Variants in SIPA1L3 observed in about 807,000 individuals in gnomAD.
SIPA1L3 encodes the protein signal induced proliferation associated 1 like 3.
SIPA1L3 carries 59 observed loss-of-function variants against 150.1 expected under a neutral mutation model. The ratio of observed to expected loss-of-function variants is 0.39; its 90% confidence interval spans 0.32 to 0.49. The LOEUF (loss-of-function observed/expected upper bound fraction) is 0.49, where lower values mean the gene tolerates loss of function less well. Ranked by LOEUF, SIPA1L3 falls within the 20% of genes least tolerant of loss-of-function variation. The probability of loss-of-function intolerance (pLI) is 0.86; values close to 1 mark genes in which losing one functional copy is unlikely to be tolerated. For synonymous variants in SIPA1L3, 1,070 were observed against 1,077.6 expected (o/e 0.99, Z 0.14); for missense variants, 2,211 against 2,489.5 (o/e 0.89, Z 2.38).
chr19:37,940,265 G>A (rs1436388700), intron 1 of SIPA1L3, among the ~76,000 whole-genome samples: 1 of 147,002 alleles, frequency 6.8e-6, no homozygotes, highest in Admixed American at 6.9e-5. Context: ...TGGGTGACAG[G>A]CTAAAAAAAA....
intron 12 of SIPA1L3, 85 bp downstream of exon 12, chr19:38,142,795 A>C: frequency 1.4e-6 from 2 of 1,462,924 alleles, no homozygotes; most frequent in Non-Finnish European, 1.9e-6. Context: ...CACCCCCACA[A>C]TTCTAGTTGC....
chr19:38,101,272 C>A (rs763270840), intron 6 of SIPA1L3, 46 bp downstream of exon 6: 36 of 1,358,194 alleles, frequency 2.7e-5, no homozygotes, highest in Non-Finnish European at 2.9e-5. Context: ...CACTGCACTC[C>A]TACTCAACAG....
chr19:37,917,475 G>T (rs2046423130), intron 1 of SIPA1L3, among the ~76,000 whole-genome samples: 2 of 152,200 alleles, frequency 1.3e-5, no homozygotes, highest in African/African-American at 4.8e-5. Flanking sequence ...GGTGGGTGTT[G>T]CCTGTGTTCG....
At chr19:37,973,971 G>A (rs981422503) in intron 1 of SIPA1L3, among the ~76,000 whole-genome samples, 2 of 152,206 alleles carry the variant, frequency 1.3e-5, no homozygotes, top group South Asian at 4.1e-4. Flanking sequence ...ATCAGCAACA[G>A]AGAGTGGGCA....
intron 1 of SIPA1L3, among the ~76,000 whole-genome samples, chr19:37,988,791 C>G (rs1195059131): frequency 2.6e-5 from 4 of 152,318 alleles, no homozygotes; most frequent in African/African-American, 9.6e-5. Context: ...GCCTTGTCCT[C>G]TGCTTCCTGC....
chr19:38,001,494 A>G (rs1967807567), intron 1 of SIPA1L3, among the ~76,000 whole-genome samples: 2 of 152,192 alleles, frequency 1.3e-5, no homozygotes, highest in African/African-American at 4.8e-5. Context: ...GGGAACAATC[A>G]TAGCTCACTT....
intron 8 of SIPA1L3, among the ~76,000 whole-genome samples, chr19:38,117,719 TTCTC>T (rs1321113647): frequency 6.6e-6 from 1 of 152,176 alleles, no homozygotes. Context: ...CAAGTTCCTT[TTCTC>T]TCTCCATAGT....
rs78287199 is a variant in SIPA1L3, at chr19:37,963,561, C to T, written c.-379+56203C>T. 7.1e-3 allele frequency among the ~76,000 whole-genome samples: 1,086 copies of T among 152,330 alleles called. 36 individuals are homozygous for T. Among genetic ancestry groups the T allele is most frequent in the East Asian group, 0.066 (341 of 5,188 alleles). The stretch of plus-strand genomic sequence containing the variant: ...CTTGGTCAAACTGATGGAGCTGGTG[C>T]GTGTGATGGGAGGAACCCCAAATTA... On this transcript the variant is annotated intron_variant, in intron 1 of 21. Coordinates refer to ENST00000222345, the MANE Select transcript of SIPA1L3 (RefSeq NM_015073.3).
At chr19:38,188,719 G>A (rs1373971641) in intron 16 of SIPA1L3, among the ~76,000 whole-genome samples, 3 of 151,700 alleles carry the variant, frequency 2.0e-5, no homozygotes, top group Non-Finnish European at 2.9e-5. Flanking sequence ...TCAGGAGATC[G>A]AGACCATCCT....
chr19:38,206,126 A>G lies in SIPA1L3; in HGVS notation c.5232A>G (p.Ser1744=). ...AGCAGGACAAGGTGGTGCTCCAGTC[A>G]GAGGTGGCCAGCCTGCGGCAGAACA... ...KEKQDKVVLQ[S]EVASLRQNNQ... The change falls in exon 22 of 22, where the codon TCA becomes TCG. Residue 1744 remains serine, a synonymous_variant. Transcript: ENST00000222345. 6.4e-7 allele frequency: 1 copy of G among 1,550,648 alleles called. No homozygotes were observed. Among genetic ancestry groups the G allele is most frequent in the Non-Finnish European group, 8.7e-7 (1 of 1,146,582 alleles).
intron 2 of SIPA1L3, among the ~76,000 whole-genome samples, chr19:38,073,458 A>ACT (rs1969767362): frequency 1.3e-5 from 2 of 152,142 alleles, no homozygotes; most frequent in South Asian, 4.2e-4. Flanking sequence ...ATCCCAACTG[A>ACT]CTGTCTCCCA....
Position 38,081,940 on chromosome 19 carries a change from C to T in SIPA1L3, c.375C>T (p.Pro125=). The T allele has an allele frequency of 6.2e-7, 1 of 1,614,168 alleles. No individual in the cohort carries two copies. The highest frequency in any genetic ancestry group is 8.5e-7 in the Non-Finnish European group (1 of 1,179,990). ...HSMRSIQNGQ[P]PTSTPASSGS... is the part of the protein sequence containing the mutation. ...TGAGGAGCATACAGAACGGACAGCCCCCCACCAGCACCCCGGCTTCCTCAG... is the reference window on the plus strand; with the variant it reads ...TGAGGAGCATACAGAACGGACAGCCTCCCACCAGCACCCCGGCTTCCTCAG... The change falls in exon 3 of 22, where the codon CCC becomes CCT. Residue 125 remains proline (P), a synonymous_variant. Transcript: ENST00000222345.
intron 10 of SIPA1L3, among the ~76,000 whole-genome samples, chr19:38,136,183 C>CAAAATAA (rs1439432815): frequency 2.3e-5 from 1 of 44,118 alleles, no homozygotes; most frequent in African/African-American, 8.3e-5. Context: ...GAGACTGTCT[C>CAAAATAA]AAAAAAAAAA....
chr19:38,156,970 G>A (rs1453060768), intron 13 of SIPA1L3, among the ~76,000 whole-genome samples: 2 of 151,938 alleles, frequency 1.3e-5, no homozygotes, highest in Admixed American at 6.6e-5. Context: ...CGAAACCAGC[G>A]TGGGCAACCT....
At chr19:38,115,043 T>G (rs1970852969) in intron 8 of SIPA1L3, among the ~76,000 whole-genome samples, 2 of 152,202 alleles carry the variant, frequency 1.3e-5, no homozygotes, top group African/African-American at 4.8e-5. Flanking sequence ...TTGATGCCAC[T>G]GACAGAGGTG....
intron 4 of SIPA1L3, among the ~76,000 whole-genome samples, chr19:38,089,059 G>A (rs1229739216): frequency 2.6e-5 from 4 of 152,058 alleles, no homozygotes; most frequent in Admixed American, 6.6e-5. Flanking sequence ...GGTGGCTCAC[G>A]CCTGTAATCC....
intron 1 of SIPA1L3, among the ~76,000 whole-genome samples, chr19:37,979,976 A>C (rs143208069): frequency 0.038 from 5,775 of 152,286 alleles, 148 homozygotes; most frequent in Non-Finnish European, 0.052. Flanking sequence ...GCTGGGAGCC[A>C]GGGCAGGTCT....
rs760898818 is a variant in SIPA1L3, at chr19:38,119,292, C to T, written c.2292-14C>T. On this transcript the variant is annotated splice_polypyrimidine_tract_variant and intron_variant, in intron 8 of 21. Transcript: ENST00000222345. ...CCTTTCTTCCCACCATCTAAATAAT[C>T]TCTCCCTCCACAGTATGGCTGTGAC... 6.3e-6 allele frequency: 10 copies of T among 1,595,198 alleles called. No individual in the cohort carries two copies. The highest frequency in any genetic ancestry group is 7.7e-6 in the Non-Finnish European group (9 of 1,167,908).
In SIPA1L3 at chr19:38,193,710, C is replaced by T; in HGVS notation, c.4770C>T (p.His1590=). 3 of 1,570,954 alleles carry T rather than the reference C, an allele frequency of 1.9e-6. No homozygotes were observed. Among genetic ancestry groups the T allele is most frequent in the Non-Finnish European group, 2.6e-6 (3 of 1,166,630 alleles). ...GCACGCTGCCTGCACGCCGCCAGCACCAGCACCCCCACCCGCCCGTCGGCC... is the reference window on the plus strand; with the variant it reads ...GCACGCTGCCTGCACGCCGCCAGCATCAGCACCCCCACCCGCCCGTCGGCC... ...PSSTLPARRQ[H]QHPHPPVGPG... Residue 1590 remains histidine (H), a synonymous_variant, in exon 18 of 22, where the codon CAC becomes CAT. Coordinates refer to ENST00000222345, the MANE Select transcript of SIPA1L3 (RefSeq NM_015073.3).
Sources: gnomAD v4.1 joint callset for allele counts (sites outside exome capture counted in the v4.1 genomes callset) on GRCh38, gnomAD v4.1.1 for gene constraint, MANE v1.5 for transcripts, NCBI Gene and HGNC (gene_info 2026-07-23, HGNC 2026-07-21) for gene names.